Variants in LRP2 observed in about 807,000 individuals in gnomAD.
LRP2 encodes the protein LDL receptor related protein 2.
A neutral mutation model predicts 531.0 loss-of-function variants in LRP2; 172 were observed. That is an observed-to-expected ratio of 0.32 (90% confidence interval 0.29 to 0.37). The LOEUF (loss-of-function observed/expected upper bound fraction) is 0.37, where lower values mean the gene tolerates loss of function less well. Among genes scored for constraint, LRP2 ranks in the 10% least tolerant of loss-of-function variants. The pLI is 1.00. For missense variants in LRP2, 5,167 were observed against 5,868.3 expected, an observed-to-expected ratio of 0.88 and a Z score of 3.90; for synonymous variants, 1,992 against 2,027.6, an observed-to-expected ratio of 0.98 and a Z score of 0.47.
At chr2:169,156,238 C>CAA in intron 65 of LRP2, 36 bp downstream of exon 65, 1 of 1,612,972 alleles carries the variant, frequency 6.2e-7, no homozygotes, top group Non-Finnish European at 8.5e-7. Flanking sequence ...TTTATTTCCC[C>CAA]AAAAGTCAAT....
At chr2:169,215,772 T>C (rs1189268715) in intron 35 of LRP2, among the ~76,000 whole-genome samples, 4 of 148,162 alleles carry the variant, frequency 2.7e-5, no homozygotes, top group Admixed American at 6.8e-5. Context: ...AGAATCTATA[T>C]AGATCATATA....
At chr2:169,302,731 C>A (rs1361369809) in intron 4 of LRP2, among the ~76,000 whole-genome samples, 3 of 123,898 alleles carry the variant, frequency 2.4e-5, no homozygotes, top group Non-Finnish European at 4.9e-5. Flanking sequence ...AACTCCAGGA[C>A]AAGTGACCTG....
intron 3 of LRP2, among the ~76,000 whole-genome samples, chr2:169,316,950 A>G (rs1049012607): frequency 2.6e-5 from 4 of 152,126 alleles, no homozygotes; most frequent in Non-Finnish European, 4.4e-5. Context: ...GTCAAGTGCA[A>G]TCTAAATGCC....
chr2:169,226,068 C>G (rs554921847), intron 32 of LRP2, among the ~76,000 whole-genome samples: 1 of 152,176 alleles, frequency 6.6e-6, no homozygotes, highest in South Asian at 2.1e-4. Flanking sequence ...GCTTAAGACT[C>G]CTCTAGGGGC....
chr2:169,353,601 C>A (rs192858118), intron 1 of LRP2, among the ~76,000 whole-genome samples: 14 of 152,282 alleles, frequency 9.2e-5, no homozygotes, highest in African/African-American at 3.4e-4. Flanking sequence ...GCATGTATCA[C>A]CCCCCTTCTA....
At chr2:169,274,100 C>A (rs1456186972) in intron 14 of LRP2, among the ~76,000 whole-genome samples, 1 of 152,132 alleles carries the variant, frequency 6.6e-6, no homozygotes. Flanking sequence ...CTAAATAGAT[C>A]CATCACTTAA....
In LRP2 at chr2:169,276,276, C is replaced by T. The variant is rs116234648; in HGVS notation, c.1773-1038G>A. On this transcript the variant is annotated intron_variant, in intron 13 of 78. Transcript: ENST00000649046. ...CTGCTGGCAAAGCGAGAGGCAATGACTTTATGATTTCAGCTGTACTTGTGA... is the reference window on the plus strand; with the variant it reads ...CTGCTGGCAAAGCGAGAGGCAATGATTTTATGATTTCAGCTGTACTTGTGA... Among the ~76,000 whole-genome samples the T allele has an allele frequency of 7.6e-3, 1,163 of 152,256 alleles. 10 individuals carry two copies. The highest frequency in any genetic ancestry group is 0.027 in the African/African-American group (1,105 of 41,556).
At chr2:169,205,406 GC>G (rs774793264) in intron 41 of LRP2, 72 bp downstream of exon 41, 39 of 1,515,922 alleles carry the variant, frequency 2.6e-5, no homozygotes, top group Non-Finnish European at 3.6e-5. Context: ...ATCACATGAT[GC>G]AAATCCCTCT....
intron 3 of LRP2, among the ~76,000 whole-genome samples, chr2:169,307,865 C>A (rs78833895): frequency 6.6e-6 from 1 of 152,074 alleles, no homozygotes. Flanking sequence ...AAACTGCCTA[C>A]ATTGACCATG....
chr2:169,230,829 A>G (rs1689371031), intron 31 of LRP2, among the ~76,000 whole-genome samples: 1 of 152,218 alleles, frequency 6.6e-6, no homozygotes, highest in African/African-American at 2.4e-5. Flanking sequence ...AATCGACCCA[A>G]TAAAATATCT....
At chr2:169,247,312 G>A in intron 20 of LRP2, 66 bp downstream of exon 20, 9 of 1,541,520 alleles carry the variant, frequency 5.8e-6, no homozygotes, top group Non-Finnish European at 8.0e-6. Context: ...AAAGAGAACA[G>A]GAGCCACTGT....
At chr2:169,327,776 C>T (rs1442027229) in intron 1 of LRP2, among the ~76,000 whole-genome samples, 2 of 126,888 alleles carry the variant, frequency 1.6e-5, no homozygotes, top group African/African-American at 6.1e-5. Context: ...GCCCCCCGCC[C>T]GGCCAGCCGC....
At position 169,172,205 on chromosome 2, in the gene LRP2, T is replaced by G. The variant is rs969776193; in HGVS notation, c.11144-71A>C. ...AATGCACAAAGTAGTATTGGCTTCC[T>G]TGTGAGACAGTCTGAGAATTGTATT... On this transcript the variant is annotated intron_variant, in intron 57 of 78. Transcript: ENST00000649046. 1.9e-6 allele frequency: 3 copies of G among 1,573,006 alleles called. No homozygotes were observed. The African/African-American group carries it at 4.0e-5, about 21-fold the overall frequency.
Position 169,306,989 on chromosome 2 carries a change from C to A in LRP2, c.427+292G>T, listed in dbSNP as rs191726959. 3.6e-3 allele frequency among the ~76,000 whole-genome samples: 550 copies of A among 152,280 alleles called. 4 individuals are homozygous for A. Among genetic ancestry groups the A allele is most frequent in the Non-Finnish European group, 5.0e-3 (337 of 68,020 alleles). On this transcript the variant is annotated intron_variant, in intron 4 of 78. Coordinates refer to ENST00000649046, the MANE Select transcript of LRP2 (RefSeq NM_004525.3). ...AATTTACCAAACTTGATTCTGTACT[C>A]AATGTATTTAATTATCCTTCCTTTC...
At chr2:169,173,278 T>G (rs1382169075) in intron 56 of LRP2, 54 bp from the exon 57 acceptor site, 2 of 1,609,070 alleles carry the variant, frequency 1.2e-6, no homozygotes, top group Non-Finnish European at 8.5e-7. Context: ...AAAGCACCTT[T>G]CCATTGTCAC....
rs201640140 is a variant in LRP2, at chr2:169,173,986, C to A, written c.10947G>T (p.Pro3649=). The A allele has an allele frequency of 5.0e-6, 8 of 1,614,082 alleles. No individual in the cohort carries two copies. The highest frequency in any genetic ancestry group is 1.3e-5 in the African/African-American group (1 of 74,936). The change falls in exon 56 of 79, where the codon CCG becomes CCT. Residue 3649 remains proline, a synonymous_variant. Transcript: ENST00000649046. ...TATCCACATCACACTTCCAGGCCTG[C>A]GGGATGCAGCGGCCATTAGCACACC... ...QFRCANGRCI[P]QAWKCDVDND...
chr2:169,337,438 T>C (rs550486363), intron 1 of LRP2, among the ~76,000 whole-genome samples: 3 of 152,294 alleles, frequency 2.0e-5, no homozygotes, highest in African/African-American at 7.2e-5. Flanking sequence ...ATAGCATTTT[T>C]CCATAAAAGC....
chr2:169,157,376 C>T lies in LRP2; in HGVS notation c.12014G>A (p.Cys4005Tyr). The change falls in exon 64 of 79, where the codon TGT (cysteine) becomes TAT (tyrosine). Residue 4005 changes from cysteine to tyrosine, a missense_variant. Cys to Tyr is a radical substitution (Grantham distance 194). Transcript: ENST00000649046. ...TTGGAAAAAATATACTCTACCTAGACAGGAGGTTCTGTCAAAAACATTGGT... is the reference window on the plus strand; with the variant it reads ...TTGGAAAAAATATACTCTACCTAGATAGGAGGTTCTGTCAAAAACATTGGT... ...FETNVFDRTS[C>Y]LDINECEQFG... The T allele has an allele frequency of 6.2e-7, 1 of 1,613,234 alleles. No individual in the cohort carries two copies. Among genetic ancestry groups the T allele is most frequent in the Non-Finnish European group, 8.5e-7 (1 of 1,179,462 alleles).
intron 45 of LRP2, among the ~76,000 whole-genome samples, chr2:169,197,638 A>C (rs16856592): frequency 0.079 from 12,055 of 152,246 alleles, 1,545 homozygotes; most frequent in African/African-American, 0.27. Flanking sequence ...ACATCTAATT[A>C]AAGTCTTGTA....
Sources: gnomAD v4.1 joint callset for allele counts (sites outside exome capture counted in the v4.1 genomes callset) on GRCh38, gnomAD v4.1.1 for gene constraint, MANE v1.5 for transcripts, NCBI Gene and HGNC (gene_info 2026-07-23, HGNC 2026-07-21) for gene names.